SNAP29: variants seen among roughly 807,000 people sequenced by gnomAD.
SNAP29 encodes the protein synaptosomal-associated protein 29.
SNAP29 carries 13 observed loss-of-function variants against 27.9 expected under a neutral mutation model. The observed-to-expected ratio is 0.47, with a 90% CI of 0.30 to 0.74. The LOEUF is 0.74. Among genes scored for constraint, SNAP29 ranks in the 30% least tolerant of loss-of-function variants. The pLI, the probability that SNAP29 is intolerant of heterozygous loss-of-function variation, is 0.06. For missense variants in SNAP29, 368 were observed against 336.5 expected (o/e 1.09, Z -0.73); for synonymous variants, 119 against 127.1 (o/e 0.94, Z 0.43).
chr22:20,887,539 C>G, intron 4 of SNAP29, 140 bp from the exon 5 acceptor site: 2 of 875,044 alleles, frequency 2.3e-6, no homozygotes, highest in Non-Finnish European at 3.9e-6. Flanking sequence ...TCAATTAAGT[C>G]AAGACTCATC....
At chr22:20,877,359 C>A (rs1375800269) in intron 2 of SNAP29, among the ~76,000 whole-genome samples, 1 of 152,160 alleles carries the variant, frequency 6.6e-6, no homozygotes, top group East Asian at 1.9e-4. Flanking sequence ...GAGTTCGAGA[C>A]CAGCCTCACC....
intron 2 of SNAP29, among the ~76,000 whole-genome samples, chr22:20,877,377 A>G (rs1928773166): frequency 1.3e-5 from 2 of 152,130 alleles, no homozygotes; most frequent in East Asian, 1.9e-4. Context: ...ACCAACATGG[A>G]GAAACCCTGT....
Position 20,887,743 on chromosome 22 carries a change from G to A in SNAP29, c.684G>A (p.Glu228=). ...CCCTGGGGATGCAGACAGAAATTGA[G>A]GAGCAAGATGACATTCTTGACCGGC... The part of the protein sequence containing the change: ...DIALGMQTEI[E]EQDDILDRLT... The change falls in exon 5 of 5, where the codon GAG becomes GAA. Residue 228 remains glutamate, a synonymous_variant. Coordinates refer to ENST00000215730, the MANE Select transcript of SNAP29 (RefSeq NM_004782.4). 6.2e-7 allele frequency: 1 copy of A among 1,614,170 alleles called. No individual in the cohort carries two copies. Among genetic ancestry groups the A allele is most frequent in the Non-Finnish European group, 8.5e-7 (1 of 1,180,012 alleles).
chr22:20,877,817 T>A (rs895882083), intron 2 of SNAP29, among the ~76,000 whole-genome samples: 3 of 152,214 alleles, frequency 2.0e-5, no homozygotes, highest in African/African-American at 4.8e-5. Context: ...ATATATGTGA[T>A]GGCACATAGA....
Position 20,859,162 on chromosome 22 carries a change from G to A in SNAP29, c.52G>A (p.Glu18Lys). 2 of 1,606,424 alleles carry A rather than the reference G, an allele frequency of 1.2e-6. No homozygotes were observed. Among genetic ancestry groups the A allele is most frequent in the Non-Finnish European group, 1.7e-6 (2 of 1,177,710 alleles). The change falls in exon 1 of 5, where the codon GAA (glutamate) becomes AAA (lysine). Residue 18 changes from glutamate (E) to lysine (K), a missense_variant. Coordinates refer to ENST00000215730, the MANE Select transcript of SNAP29 (RefSeq NM_004782.4). ...YNPFDDDGEDEGARPAPWRDA... is the reference protein window; with the variant it reads ...YNPFDDDGEDKGARPAPWRDA... The stretch of plus-strand genomic sequence containing the variant: ...TCCGTTCGACGACGACGGGGAGGAC[G>A]AAGGCGCCCGGCCGGCCCCTTGGAG...
chr22:20,874,307 GAC>G (rs201563524), intron 2 of SNAP29, among the ~76,000 whole-genome samples: 1 of 117,642 alleles, frequency 8.5e-6, no homozygotes, highest in Non-Finnish European at 1.7e-5. Flanking sequence ...GACACACACA[GAC>G]ACACACAGAC....
chr22:20,874,092 G>A (rs372295551), intron 2 of SNAP29, among the ~76,000 whole-genome samples: 2 of 150,406 alleles, frequency 1.3e-5, no homozygotes, highest in Non-Finnish European at 1.5e-5. Flanking sequence ...TGGCTAACAC[G>A]GTGAAACCCC....
chr22:20,875,385 A>G (rs1433857090), intron 2 of SNAP29, among the ~76,000 whole-genome samples: 2 of 152,174 alleles, frequency 1.3e-5, no homozygotes, highest in Admixed American at 1.3e-4. Flanking sequence ...CAAAACTTTC[A>G]CCCACACTCT....
chr22:20,873,333 A>G (rs552885143), intron 2 of SNAP29, among the ~76,000 whole-genome samples: 2 of 151,994 alleles, frequency 1.3e-5, no homozygotes, highest in Admixed American at 6.6e-5. Context: ...TTTTTAATGC[A>G]TCACTAAGGT....
chr22:20,869,809 C>T (rs192742766), intron 1 of SNAP29, among the ~76,000 whole-genome samples: 325 of 152,066 alleles, frequency 2.1e-3, no homozygotes, highest in African/African-American at 7.7e-3. Flanking sequence ...CTTGCTCTGT[C>T]GCCCAGGCTG....
rs894979147 is a variant in SNAP29 at position 20,889,588 on chromosome 22, G to A, written c.*1752G>A. The A allele has an allele frequency of 6.6e-6, 1 of 152,182 alleles. No individual in the cohort carries two copies. The highest frequency in any genetic ancestry group is 2.4e-5 in the African/African-American group (1 of 41,448). The allele number at this position is 152,182 out of a possible 1,614,324, so 9.4% of individuals were successfully genotyped here. ...CTCAACCCAAACAAAACTACTTCGT[G>A]AGGCTTTCAGCAAAAAGGCTGCTTA... On this transcript the variant is annotated 3_prime_UTR_variant, in exon 5 of 5. Transcript: ENST00000215730.
At chr22:20,866,009 G>A (rs955702224) in intron 1 of SNAP29, among the ~76,000 whole-genome samples, 1 of 152,212 alleles carries the variant, frequency 6.6e-6, no homozygotes, top group Non-Finnish European at 1.5e-5. Context: ...TGTTAGCATA[G>A]TCTGTCTGAC....
Position 20,887,833 on chromosome 22 carries a change from C to G in SNAP29, c.774C>G (p.Leu258=), listed in dbSNP as rs1309830791. 1.2e-6 allele frequency: 2 copies of G among 1,613,758 alleles called. No homozygotes were observed. The highest frequency in any genetic ancestry group is 2.2e-5 in the East Asian group (1 of 44,900). Reference sequence around the variant, plus strand: ...GCACAGAAAGAAAAGTTCGACAACTCTGAAGACAGACGGATTTCCACTCTA... The same window carrying G: ...GCACAGAAAGAAAAGTTCGACAACTGTGAAGACAGACGGATTTCCACTCTA... ...IKSTERKVRQ[L] Residue 258 remains leucine, a synonymous_variant, in exon 5 of 5, where the codon CTC becomes CTG. Transcript: ENST00000215730.
chr22:20,871,365 C>T (rs1312175553), intron 2 of SNAP29, among the ~76,000 whole-genome samples: 1 of 150,648 alleles, frequency 6.6e-6, no homozygotes, highest in Non-Finnish European at 1.5e-5. Context: ...TGCCTATATT[C>T]CTAGCTACAG....
rs370618857 is a variant in SNAP29 at position 20,872,494 on chromosome 22, G to T, written c.434+1961G>T. On this transcript the variant is annotated intron_variant, in intron 2 of 4. Coordinates refer to ENST00000215730, the MANE Select transcript of SNAP29 (RefSeq NM_004782.4). ...CGGCTCACTGCAAGCTCCGCCTCCC[G>T]GGTTCATGCCGTTCTCCTGCCTCAG... is the stretch of plus-strand genomic sequence containing the variant. Among the ~76,000 whole-genome samples the T allele has an allele frequency of 1.3e-4, 20 of 151,702 alleles. 1 individual carries two copies. The highest frequency in any genetic ancestry group is 4.8e-4 in the African/African-American group (20 of 41,288).
At chr22:20,862,712 G>T (rs1195737406) in intron 1 of SNAP29, among the ~76,000 whole-genome samples, 1 of 152,180 alleles carries the variant, frequency 6.6e-6, no homozygotes, top group Non-Finnish European at 1.5e-5. Flanking sequence ...ATTGCTGTGA[G>T]AAGTACAGTG....
At chr22:20,885,855 T>C (rs1205387309) in intron 4 of SNAP29, among the ~76,000 whole-genome samples, 3 of 152,192 alleles carry the variant, frequency 2.0e-5, no homozygotes, top group Non-Finnish European at 4.4e-5. Context: ...GTTGCCTTTG[T>C]TCACACTCTT....
rs1176301490 is a variant in SNAP29, at chr22:20,870,461, ATTAC to A, written c.365_368del (p.Tyr122SerfsTer6). The A allele has an allele frequency of 6.2e-7, 1 of 1,614,108 alleles. No individual in the cohort carries two copies. Among genetic ancestry groups the A allele is most frequent in the African/African-American group, 1.3e-5 (1 of 74,934 alleles). On this transcript the variant is annotated frameshift_variant, in exon 2 of 5. Coordinates refer to ENST00000215730, the MANE Select transcript of SNAP29 (RefSeq NM_004782.4). LOFTEE classifies it high-confidence loss of function. ...AAGAGCGTGTTTGGGGGGCTGGTCAATTACTTCAAATCCAAACCAGTAGAGACCC... is the reference window on the plus strand; with the variant it reads ...AAGAGCGTGTTTGGGGGGCTGGTCAATTCAAATCCAAACCAGTAGAGACCC...
intron 2 of SNAP29, 79 bp from the exon 3 acceptor site, chr22:20,880,970 T>C: frequency 1.1e-6 from 1 of 910,488 alleles, no homozygotes; most frequent in Non-Finnish European, 1.8e-6. Context: ...ACACAGGCAT[T>C]ATGTGAAAAG....
Sources: gnomAD v4.1 joint callset for allele counts (sites outside exome capture counted in the v4.1 genomes callset) on GRCh38, gnomAD v4.1.1 for gene constraint, MANE v1.5 for transcripts, NCBI Gene and HGNC (gene_info 2026-07-23, HGNC 2026-07-21) for gene names.